The following ZFAND4 variants were observed in gnomAD, a reference collection of about 807,000 sequenced individuals.
ZFAND4 encodes the protein zinc finger AN1-type containing 4.
In ZFAND4, 43 loss-of-function variants were observed where a neutral mutation model predicts 64.4. That is an observed-to-expected ratio of 0.67 (90% CI 0.52 to 0.86). The LOEUF is 0.86. Among genes scored for constraint, ZFAND4 ranks in the 40% least tolerant of loss-of-function variants. The probability of loss-of-function intolerance (pLI) is 0.00; values close to 1 mark genes in which losing one functional copy is unlikely to be tolerated. For synonymous variants in ZFAND4, 296 were observed against 305.7 expected (o/e 0.97, Z 0.33); for missense variants, 929 against 859.8 (o/e 1.08, Z -1.01).
intron 7 of ZFAND4, among the ~76,000 whole-genome samples, chr10:45,625,558 A>T (rs999091912): frequency 6.6e-6 from 1 of 151,316 alleles, no homozygotes; most frequent in Non-Finnish European, 1.5e-5. Flanking sequence ...GGAAAAAAAC[A>T]TTAAAAACAT....
In ZFAND4 at chr10:45,615,957, AT is replaced by A. The variant is rs1470890177; in HGVS notation, c.*478del. 1 of 152,466 alleles carries A rather than the reference AT, an allele frequency of 6.6e-6. No homozygotes were observed. Among genetic ancestry groups the A allele is most frequent in the Non-Finnish European group, 1.5e-5 (1 of 68,062 alleles). 9.4% of individuals were successfully genotyped at this position (152,466 alleles called of 1,614,324 possible). On this transcript the variant is annotated 3_prime_UTR_variant, in exon 10 of 10. Coordinates refer to ENST00000344646, the MANE Select transcript of ZFAND4 (RefSeq NM_174890.4). ...AAGCCAGTAAACTTTCACACGTGGG[AT>A]TTTTAAAAAATCTCCACCCATCCCA...
chr10:45,623,827 A>C (rs1431416085), intron 8 of ZFAND4, among the ~76,000 whole-genome samples: 1 of 152,204 alleles, frequency 6.6e-6, no homozygotes, highest in Non-Finnish European at 1.5e-5. Flanking sequence ...GTGCAAATAG[A>C]TTATGATTTT....
chr10:45,618,390 T>A, intron 8 of ZFAND4, 130 bp from the exon 9 acceptor site: 1 of 1,152,786 alleles, frequency 8.7e-7, no homozygotes, highest in South Asian at 1.5e-5. Context: ...TTGTGCTATT[T>A]TTATATCTAA....
At chr10:45,648,901 G>A in intron 4 of ZFAND4, 1 of 960,886 alleles carries the variant, frequency 1.0e-6, no homozygotes, top group Non-Finnish European at 1.2e-6. Context: ...TATACTTTCT[G>A]CTCCCTATAT....
chr10:45,644,207 A>T (rs2047218733), intron 5 of ZFAND4, among the ~76,000 whole-genome samples: 1 of 152,188 alleles, frequency 6.6e-6, no homozygotes, highest in South Asian at 2.1e-4. Flanking sequence ...TTACTAGGGT[A>T]TACCCAACCT....
intron 5 of ZFAND4, among the ~76,000 whole-genome samples, chr10:45,644,707 G>C (rs1295498208): frequency 6.6e-6 from 1 of 152,150 alleles, no homozygotes. Flanking sequence ...TTAAAAAGCT[G>C]ATTGTTTTTT....
At chr10:45,640,877 GA>G (rs2046952733) in intron 5 of ZFAND4, among the ~76,000 whole-genome samples, 1 of 152,096 alleles carries the variant, frequency 6.6e-6, no homozygotes, top group Admixed American at 6.6e-5. Context: ...ATTTTAACAA[GA>G]AAAAACACAT....
intron 8 of ZFAND4, among the ~76,000 whole-genome samples, chr10:45,624,156 TTC>T (rs1564551988): frequency 1.3e-5 from 2 of 152,226 alleles, no homozygotes; most frequent in African/African-American, 4.8e-5. Flanking sequence ...GACTGTCCCT[TTC>T]TTTTATCCAG....
chr10:45,642,811 T>C (rs1414710454), intron 5 of ZFAND4, among the ~76,000 whole-genome samples: 2 of 151,182 alleles, frequency 1.3e-5, no homozygotes, highest in Non-Finnish European at 1.5e-5. Context: ...TACTAATTTA[T>C]AAATTTAATC....
At chr10:45,670,639 G>A (rs1285537163) in intron 1 of ZFAND4, among the ~76,000 whole-genome samples, 1 of 152,156 alleles carries the variant, frequency 6.6e-6, no homozygotes, top group Non-Finnish European at 1.5e-5. Flanking sequence ...TATGTAGAAA[G>A]CTGAAACTGG....
rs2045890715 is a variant in ZFAND4 at position 45,627,124 on chromosome 10, C to T, written c.718-19G>A. 6.6e-7 allele frequency: 1 copy of T among 1,516,730 alleles called. No individual in the cohort carries two copies. Among genetic ancestry groups the T allele is most frequent in the Non-Finnish European group, 8.8e-7 (1 of 1,134,932 alleles). 94.0% of individuals were successfully genotyped at this position (1,516,730 alleles called of 1,614,324 possible). ...TCTTAGGCTAAAAGGAATGAATATACAGTTTCTTTACACAGTCGTTTTCTC... is the reference window on the plus strand; with the variant it reads ...TCTTAGGCTAAAAGGAATGAATATATAGTTTCTTTACACAGTCGTTTTCTC... On this transcript the variant is annotated intron_variant, in intron 6 of 9. Coordinates refer to ENST00000344646, the MANE Select transcript of ZFAND4 (RefSeq NM_174890.4).
chr10:45,637,363 C>T (rs2046677792), intron 6 of ZFAND4, among the ~76,000 whole-genome samples: 2 of 147,670 alleles, frequency 1.4e-5, no homozygotes, highest in Non-Finnish European at 1.5e-5. Context: ...AAAAAAATTT[C>T]AGCTGGACTA....
At position 45,626,390 on chromosome 10, in the gene ZFAND4, G is replaced by A. The variant is rs141032179; in HGVS notation, c.1433C>T (p.Ser478Phe). The change falls in exon 7 of 10, where the codon TCT (serine) becomes TTT (phenylalanine). Residue 478 changes from serine (S) to phenylalanine (F), a missense_variant. Ser to Phe is a radical substitution (Grantham distance 155). Coordinates refer to ENST00000344646, the MANE Select transcript of ZFAND4 (RefSeq NM_174890.4). ...KNRLLSPLRC[S>F]APMSLHNSLV... Reference sequence around the variant, plus strand: ...AGAATTATGTAGCGACATTGGTGCAGAACAGCGAAGAGGTGACAAGAGTCT... The same window carrying A: ...AGAATTATGTAGCGACATTGGTGCAAAACAGCGAAGAGGTGACAAGAGTCT... The A allele has an allele frequency of 1.2e-6, 2 of 1,614,140 alleles. No homozygotes were observed. The highest frequency in any genetic ancestry group is 1.3e-5 in the African/African-American group (1 of 75,052).
intron 1 of ZFAND4, among the ~76,000 whole-genome samples, chr10:45,667,446 G>A (rs953987210): frequency 2.1e-5 from 3 of 140,368 alleles, no homozygotes; most frequent in South Asian, 2.2e-4. Context: ...TAATCTATAT[G>A]CTCTTTTCTT....
chr10:45,653,735 C>T (rs1217213026), intron 2 of ZFAND4, among the ~76,000 whole-genome samples: 3 of 152,158 alleles, frequency 2.0e-5, no homozygotes, highest in Non-Finnish European at 2.9e-5. Context: ...CAAATTAGTT[C>T]AGCCATTGTG....
chr10:45,623,060 C>T (rs2045548434), intron 8 of ZFAND4, among the ~76,000 whole-genome samples: 2 of 152,032 alleles, frequency 1.3e-5, no homozygotes, highest in Non-Finnish European at 2.9e-5. Flanking sequence ...AAATCAAAAC[C>T]ACAGTGACAT....
At chr10:45,632,975 T>G (rs1214747661) in intron 6 of ZFAND4, among the ~76,000 whole-genome samples, 1 of 152,174 alleles carries the variant, frequency 6.6e-6, no homozygotes, top group South Asian at 2.1e-4. Flanking sequence ...GGTATGGGCC[T>G]GATATCAGGC....
At chr10:45,657,871 C>CT (rs1298964997) in intron 2 of ZFAND4, among the ~76,000 whole-genome samples, 1 of 151,982 alleles carries the variant, frequency 6.6e-6, no homozygotes, top group Non-Finnish European at 1.5e-5. Context: ...ATATAAAATT[C>CT]TAAAAAAGGC....
At chr10:45,672,178 C>G (rs557856309) in intron 1 of ZFAND4, 72 bp downstream of exon 1, 1 of 152,214 alleles carries the variant, frequency 6.6e-6, no homozygotes, top group Non-Finnish European at 1.5e-5. Context: ...AACTCTAGTC[C>G]GGAGTTCATC....
Sources: gnomAD v4.1 joint callset for allele counts (sites outside exome capture counted in the v4.1 genomes callset) on GRCh38, gnomAD v4.1.1 for gene constraint, MANE v1.5 for transcripts, NCBI Gene and HGNC (gene_info 2026-07-23, HGNC 2026-07-21) for gene names.